SLC24A3: variants seen among roughly 807,000 people sequenced by gnomAD.
The protein encoded by SLC24A3 is sodium/potassium/calcium exchanger 3.
In SLC24A3, 28 loss-of-function variants were observed where a neutral mutation model predicts 75.8. The ratio of observed to expected loss-of-function variants is 0.37; its 90% CI spans 0.27 to 0.51. The LOEUF (loss-of-function observed/expected upper bound fraction) is 0.51. Ranked by LOEUF, SLC24A3 falls within the 20% of genes least tolerant of loss-of-function variation. The pLI is 0.94. For synonymous variants in SLC24A3, 372 were observed against 334.1 expected, an observed-to-expected ratio of 1.11 and a Z score of -1.24; for missense variants, 663 against 847.8, an observed-to-expected ratio of 0.78 and a Z score of 2.71.
chr20:19,706,313 A>G (rs893303254), intron 15 of SLC24A3, among the ~76,000 whole-genome samples: 5 of 152,182 alleles, frequency 3.3e-5, no homozygotes, highest in African/African-American at 7.2e-5. Context: ...ACCTACAGCT[A>G]TGGAAGGAGA....
intron 2 of SLC24A3, among the ~76,000 whole-genome samples, chr20:19,513,747 A>AAAAG (rs2029930467): frequency 6.6e-6 from 1 of 151,966 alleles, no homozygotes; most frequent in East Asian, 1.9e-4. Flanking sequence ...AGAAAAAAAA[A>AAAAG]AAAAGCCTTT....
Position 19,681,946 on chromosome 20 carries a change from G to C in SLC24A3, c.856G>C (p.Asp286His). ...VNGLANNAEI[D>H]DSSNCDATVV... ...CGGATTGGCCAACAATGCTGAAATTGATGACAGCAGCAACTGCGACGCAAC... is the reference window on the plus strand; with the variant it reads ...CGGATTGGCCAACAATGCTGAAATTCATGACAGCAGCAACTGCGACGCAAC... Residue 286 changes from aspartate (D) to histidine (H), a missense_variant, in exon 10 of 17, where the codon GAT becomes CAT. Asp to His is a moderately conservative substitution (Grantham distance 81). This residue lies in a region of SLC24A3 where 510 missense variants were observed against 703.6 expected (regional missense o/e 0.72). Coordinates refer to ENST00000328041, the MANE Select transcript of SLC24A3 (RefSeq NM_020689.4). 1 of 1,614,236 alleles carries C rather than the reference G, an allele frequency of 6.2e-7. No individual in the cohort carries two copies. The highest frequency in any genetic ancestry group is 8.5e-7 in the Non-Finnish European group (1 of 1,180,048).
At chr20:19,499,152 C>T (rs6046147) in intron 2 of SLC24A3, among the ~76,000 whole-genome samples, 36,960 of 152,170 alleles carry the variant, frequency 0.24, 4,988 homozygotes, top group East Asian at 0.5. Context: ...TGAGGCCGGT[C>T]AACGCCTAAA....
intron 1 of SLC24A3, among the ~76,000 whole-genome samples, chr20:19,277,961 C>T (rs1043404634): frequency 5.3e-5 from 8 of 152,176 alleles, no homozygotes; most frequent in Non-Finnish European, 8.8e-5. Flanking sequence ...GGAATGGCCA[C>T]GCTGCTGGCC....
At chr20:19,553,067 T>C (rs868855203) in intron 3 of SLC24A3, among the ~76,000 whole-genome samples, 3 of 99,040 alleles carry the variant, frequency 3.0e-5, no homozygotes, top group Admixed American at 1.1e-4. Context: ...CCCTCCTTCC[T>C]TCCCTCCCTC....
chr20:19,643,766 G>A (rs1031423629), intron 6 of SLC24A3, among the ~76,000 whole-genome samples: 3 of 152,168 alleles, frequency 2.0e-5, no homozygotes, highest in African/African-American at 7.2e-5. Context: ...CAAATGTAAT[G>A]TTGAGTGAAC....
At chr20:19,348,569 C>T (rs1985488108) in intron 2 of SLC24A3, among the ~76,000 whole-genome samples, 1 of 152,156 alleles carries the variant, frequency 6.6e-6, no homozygotes, top group South Asian at 2.1e-4. Context: ...ACCCCAGTTC[C>T]AGCCCCCAAT....
At chr20:19,410,234 C>A (rs1472875426) in intron 2 of SLC24A3, among the ~76,000 whole-genome samples, 1 of 152,056 alleles carries the variant, frequency 6.6e-6, no homozygotes, top group Non-Finnish European at 1.5e-5. Flanking sequence ...TACAAAGAAG[C>A]AAGAAATGTG....
intron 8 of SLC24A3, among the ~76,000 whole-genome samples, chr20:19,670,129 T>G (rs2032449406): frequency 6.6e-6 from 1 of 151,648 alleles, no homozygotes; most frequent in Non-Finnish European, 1.5e-5. Flanking sequence ...CCTGGAGCTC[T>G]CTCAGGCTGG....
chr20:19,562,050 C>A (rs1404183490), intron 3 of SLC24A3, among the ~76,000 whole-genome samples: 1 of 152,156 alleles, frequency 6.6e-6, no homozygotes. Context: ...AAATTTATTT[C>A]TCTCATGCTT....
At chr20:19,229,054 A>G (rs1427748662) in intron 1 of SLC24A3, among the ~76,000 whole-genome samples, 1 of 152,208 alleles carries the variant, frequency 6.6e-6, no homozygotes, top group African/African-American at 2.4e-5. Context: ...GATAATTTTG[A>G]ACAAACTTTA....
intron 1 of SLC24A3, among the ~76,000 whole-genome samples, chr20:19,216,398 GA>G (rs1981554625): frequency 1.3e-5 from 2 of 152,106 alleles, no homozygotes; most frequent in East Asian, 1.9e-4. Flanking sequence ...TAGTAATTAA[GA>G]AAAAATATAC....
At chr20:19,578,930 G>A (rs773728269) in intron 3 of SLC24A3, among the ~76,000 whole-genome samples, 5 of 152,044 alleles carry the variant, frequency 3.3e-5, no homozygotes. Context: ...ATGACTGTCA[G>A]TGGCAATGAG....
At chr20:19,317,089 A>G (rs1984604797) in intron 2 of SLC24A3, among the ~76,000 whole-genome samples, 1 of 152,174 alleles carries the variant, frequency 6.6e-6, no homozygotes, top group South Asian at 2.1e-4. Flanking sequence ...TATTTAATAA[A>G]TGGTGCTGAG....
At chr20:19,236,594 A>G (rs1251055370) in intron 1 of SLC24A3, among the ~76,000 whole-genome samples, 2 of 152,104 alleles carry the variant, frequency 1.3e-5, no homozygotes, top group South Asian at 4.2e-4. Context: ...TCTGCAAAAA[A>G]AATATGCAAA....
At chr20:19,538,289 T>C (rs2030436285) in intron 3 of SLC24A3, among the ~76,000 whole-genome samples, 1 of 152,086 alleles carries the variant, frequency 6.6e-6, no homozygotes, top group African/African-American at 2.4e-5. Context: ...TGATCGTCAG[T>C]GGGTAGATTA....
chr20:19,692,282 T>G (rs1345736218), intron 12 of SLC24A3, among the ~76,000 whole-genome samples: 3 of 152,330 alleles, frequency 2.0e-5, no homozygotes, highest in East Asian at 3.9e-4. Flanking sequence ...TTCCTGGGTC[T>G]TCGTCCAAGA....
chr20:19,282,994 T>A (rs751639001), intron 2 of SLC24A3: 1 of 152,534 alleles, frequency 6.6e-6, no homozygotes, highest in Non-Finnish European at 1.5e-5. Flanking sequence ...GATCTGCCTG[T>A]GTTGGCAGGG....
At chr20:19,491,593 G>A (rs150703802) in intron 2 of SLC24A3, among the ~76,000 whole-genome samples, 1 of 152,140 alleles carries the variant, frequency 6.6e-6, no homozygotes, top group Non-Finnish European at 1.5e-5. Context: ...TCACATTCTG[G>A]CACCCCCCAT....
Sources: gnomAD v4.1 joint callset for allele counts (sites outside exome capture counted in the v4.1 genomes callset) on GRCh38, gnomAD v4.1.1 for gene constraint, gnomAD v4.1.1 regional missense constraint, MANE v1.5 for transcripts, NCBI Gene and HGNC (gene_info 2026-07-23, HGNC 2026-07-21) for gene names.